The following ESCO1 variants were observed in gnomAD, a reference collection of about 807,000 sequenced individuals.
The protein encoded by ESCO1 is establishment of sister chromatid cohesion N-acetyltransferase 1, also known as N-acetyltransferase ESCO1.
A neutral mutation model predicts 83.5 loss-of-function variants in ESCO1; 33 were observed. That is an observed-to-expected ratio of 0.40 (90% CI 0.30 to 0.53). ESCO1 has a LOEUF of 0.53. Ranked by LOEUF, ESCO1 falls within the 20% of genes least tolerant of loss-of-function variation. ESCO1 has a pLI of 0.63. For missense variants in ESCO1, 855 were observed against 968.0 expected (o/e 0.88, Z 1.55); for synonymous variants, 332 against 324.3 (o/e 1.02, Z -0.25).
chr18:21,595,337 C>G (rs999540394), intron 1 of ESCO1, among the ~76,000 whole-genome samples: 1 of 142,372 alleles, frequency 7.0e-6, no homozygotes, highest in Non-Finnish European at 1.5e-5. Context: ...GCACTCCAGC[C>G]TGGGCTGTAA....
intron 8 of ESCO1, among the ~76,000 whole-genome samples, chr18:21,547,350 T>C (rs974471144): frequency 6.2e-5 from 1 of 16,096 alleles, no homozygotes; most frequent in African/African-American, 1.7e-4. Flanking sequence ...TGCTTACAGA[T>C]TTGAAAAAAA....
intron 1 of ESCO1, among the ~76,000 whole-genome samples, chr18:21,590,247 C>A (rs565906439): frequency 4.9e-5 from 7 of 142,870 alleles, no homozygotes; most frequent in Non-Finnish European, 7.7e-5. Context: ...TTTGAGACTG[C>A]CTCTCACTCT....
intron 8 of ESCO1, among the ~76,000 whole-genome samples, chr18:21,556,946 C>T (rs777601789): frequency 5.9e-5 from 9 of 152,124 alleles, no homozygotes; most frequent in Non-Finnish European, 1.3e-4. Flanking sequence ...AGTGATCCAC[C>T]CCCTCGGCAT....
At chr18:21,549,875 G>A (rs1288182115) in intron 8 of ESCO1, among the ~76,000 whole-genome samples, 5 of 151,496 alleles carry the variant, frequency 3.3e-5, no homozygotes, top group Non-Finnish European at 5.9e-5. Flanking sequence ...GCTGAGGCAC[G>A]AGAACTGCTT....
At chr18:21,567,111 C>T (rs1361080617) in intron 5 of ESCO1, among the ~76,000 whole-genome samples, 1 of 152,030 alleles carries the variant, frequency 6.6e-6, no homozygotes, top group African/African-American at 2.4e-5. Context: ...GCTGTCTCAT[C>T]CAATATAAGT....
chr18:21,583,622 C>T (rs552642690), intron 2 of ESCO1, among the ~76,000 whole-genome samples: 7 of 149,530 alleles, frequency 4.7e-5, no homozygotes, highest in Admixed American at 6.7e-5. Flanking sequence ...CCAGGCTGGG[C>T]AACAGAGTGA....
At chr18:21,566,285 T>C in intron 5 of ESCO1, 79 bp from the exon 6 acceptor site, 1 of 1,352,312 alleles carries the variant, frequency 7.4e-7, no homozygotes, top group Non-Finnish European at 1.0e-6. Flanking sequence ...TCATTATACA[T>C]AAAGAAAAAA....
chr18:21,535,295 A>G (rs1250470897), intron 10 of ESCO1, among the ~76,000 whole-genome samples: 1 of 150,918 alleles, frequency 6.6e-6, no homozygotes, highest in East Asian at 2.0e-4. Flanking sequence ...GCTCACTACA[A>G]CCTCTGCCTC....
intron 2 of ESCO1, among the ~76,000 whole-genome samples, chr18:21,579,793 C>CGT (rs1568109846): frequency 2.6e-4 from 3 of 11,464 alleles, no homozygotes; most frequent in African/African-American, 3.7e-4. Context: ...CACGCGCGCG[C>CGT]GCACACACAC....
chr18:21,589,575 T>G (rs1163345113), intron 1 of ESCO1, among the ~76,000 whole-genome samples: 2 of 152,192 alleles, frequency 1.3e-5, no homozygotes, highest in Non-Finnish European at 2.9e-5. Context: ...CATAATTTAC[T>G]GAAGGACTTT....
intron 1 of ESCO1, among the ~76,000 whole-genome samples, chr18:21,597,390 G>T (rs552525093): frequency 7.9e-5 from 12 of 151,536 alleles, no homozygotes; most frequent in African/African-American, 1.2e-4. Flanking sequence ...ATTAAGCTGG[G>T]TATGCACACC....
At chr18:21,571,193 TA>T (rs1313520646) in intron 4 of ESCO1, among the ~76,000 whole-genome samples, 2 of 152,078 alleles carry the variant, frequency 1.3e-5, no homozygotes, top group African/African-American at 2.4e-5. Context: ...TTTCTTAGGA[TA>T]TTTTTTTTTT....
Position 21,536,086 on chromosome 18 carries a change from C to T in ESCO1, c.2143G>A (p.Asp715Asn), listed in dbSNP as rs1227039956. 4.3e-6 allele frequency: 7 copies of T among 1,613,974 alleles called. No individual in the cohort carries two copies. The highest frequency in any genetic ancestry group is 5.9e-6 in the Non-Finnish European group (7 of 1,179,958). Residue 715 changes from aspartate to asparagine, a missense_variant, in exon 10 of 12, where the codon GAC (aspartate) becomes AAC (asparagine). Physicochemically the swap from Asp to Asn is conservative, Grantham distance 23 (BLOSUM62 1). Around this residue, in one of 2 missense-constraint regions of ESCO1, gnomAD observed 129 missense variants for 268.5 expected, o/e 0.48. Transcript: ENST00000269214. The stretch of plus-strand genomic sequence containing the variant: ...ATTAGGCAGCCAACTACTTTTTTGT[C>T]ATTGGAAATGAAGAGAAGTGTTTTA... Reference protein sequence around the residue: ...RTKTLLFISNDKKVVGCLIAE... With the variant: ...RTKTLLFISNNKKVVGCLIAE...
In ESCO1 at chr18:21,575,641, A is replaced by G. The variant is rs181015943; in HGVS notation, c.-588+31T>C. On this transcript the variant is annotated intron_variant, in intron 3 of 11. Coordinates refer to ENST00000269214, the MANE Select transcript of ESCO1 (RefSeq NM_052911.3). ...GTCTTACATAAGCATAGAATAGTTGAAAATCAGTGTATTCCTTGAGGTTTA... is the reference window on the plus strand; with the variant it reads ...GTCTTACATAAGCATAGAATAGTTGGAAATCAGTGTATTCCTTGAGGTTTA... 8.4e-4 allele frequency: 334 copies of G among 398,372 alleles called. 1 individual carries two copies. The highest frequency in any genetic ancestry group is 6.4e-3 in the African/African-American group (310 of 48,724). The allele number at this position is 398,372 out of a possible 1,614,324, so 24.7% of individuals were successfully genotyped here. A position where few individuals can be genotyped will look rare whatever the true frequency, so the allele number is the denominator to read the frequency against.
intron 8 of ESCO1, among the ~76,000 whole-genome samples, chr18:21,548,019 G>A (rs542222193): frequency 6.6e-6 from 1 of 152,132 alleles, no homozygotes; most frequent in South Asian, 2.1e-4. Context: ...GGAGAATGGC[G>A]TGAACCCAGG....
chr18:21,530,639 AAAT>A (rs1352545063), intron 11 of ESCO1, 149 bp from the exon 12 acceptor site: 6 of 580,926 alleles, frequency 1.0e-5, no homozygotes, highest in African/African-American at 1.9e-5. Context: ...AAATTTTTGA[AAAT>A]AATTATTCAT....
chr18:21,531,013 A>T (rs1173619120), intron 11 of ESCO1, among the ~76,000 whole-genome samples: 1 of 152,222 alleles, frequency 6.6e-6, no homozygotes, highest in Non-Finnish European at 1.5e-5. Flanking sequence ...CAAACAAAAA[A>T]TCTAATAAAC....
intron 1 of ESCO1, among the ~76,000 whole-genome samples, chr18:21,595,561 C>G (rs188186194): frequency 7.3e-4 from 110 of 150,648 alleles, no homozygotes; most frequent in African/African-American, 2.6e-3. Context: ...TCCAGCTACT[C>G]GGGAGGCTGA....
chr18:21,535,967 G>C, intron 10 of ESCO1, 75 bp downstream of exon 10: 1 of 1,529,202 alleles, frequency 6.5e-7, no homozygotes, highest in East Asian at 2.3e-5. Context: ...AATTTATCAG[G>C]ATTTATGTTA....
Sources: allele counts gnomAD v4.1 joint callset (sites outside exome capture counted in the v4.1 genomes callset), GRCh38; gene constraint gnomAD v4.1.1; regional missense constraint gnomAD v4.1.1; transcripts MANE v1.5; gene names NCBI Gene and HGNC (gene_info 2026-07-23, HGNC 2026-07-21).